PID1: variants seen among roughly 807,000 people sequenced by gnomAD.
The protein encoded by PID1 is PTB-containing, cubilin and LRP1-interacting protein.
Under a neutral mutation model 19.1 loss-of-function variants are expected in PID1, and 10 were observed. That is an observed-to-expected ratio of 0.52 (90% CI 0.32 to 0.89). PID1 has a LOEUF of 0.89. Ranked by LOEUF, PID1 falls within the 40% of genes least tolerant of loss-of-function variation. The pLI is 0.03. For missense variants in PID1, 248 were observed against 285.3 expected, an observed-to-expected ratio of 0.87 and a Z score of 0.94; for synonymous variants, 130 against 116.0, an observed-to-expected ratio of 1.12 and a Z score of -0.78.
chr2:229,103,707 G>C (rs1695118731), intron 2 of PID1, among the ~76,000 whole-genome samples: 1 of 150,636 alleles, frequency 6.6e-6, no homozygotes. Context: ...CTCCCGAATA[G>C]CTGGGATTAC....
chr2:229,061,056 T>C (rs1694203140), intron 2 of PID1, among the ~76,000 whole-genome samples: 1 of 152,142 alleles, frequency 6.6e-6, no homozygotes, highest in Admixed American at 6.6e-5. Context: ...TCCCAGTCTG[T>C]GCATTGCCAC....
chr2:229,095,156 C>A (rs115493534), intron 2 of PID1, among the ~76,000 whole-genome samples: 4,973 of 152,210 alleles, frequency 0.033, 110 homozygotes, highest in South Asian at 0.051. Context: ...CAGAGAGACC[C>A]CGGTTTCTCC....
At chr2:229,262,042 G>A (rs1690474090) in intron 1 of PID1, among the ~76,000 whole-genome samples, 1 of 152,146 alleles carries the variant, frequency 6.6e-6, no homozygotes, top group Non-Finnish European at 1.5e-5. Context: ...GGCTCACCTG[G>A]AGGTCAATTT....
At chr2:229,241,369 CT>C (rs1689864759) in intron 1 of PID1, among the ~76,000 whole-genome samples, 1 of 152,118 alleles carries the variant, frequency 6.6e-6, no homozygotes, top group Non-Finnish European at 1.5e-5. Context: ...GGCTAATCAC[CT>C]TTAACATGTG....
intron 1 of PID1, among the ~76,000 whole-genome samples, chr2:229,202,267 C>G (rs911961261): frequency 3.3e-5 from 5 of 152,158 alleles, no homozygotes; most frequent in Non-Finnish European, 7.4e-5. Flanking sequence ...TCCTCATTAT[C>G]AAGAAGTTTT....
At chr2:229,185,092 C>CTATATATATATCT (rs377174007) in intron 1 of PID1, among the ~76,000 whole-genome samples, 1 of 35,764 alleles carries the variant, frequency 2.8e-5, no homozygotes, top group Non-Finnish European at 6.1e-5. Flanking sequence ...CATATATATC[C>CTATATATATATCT]TATATATATC....
chr2:229,221,380 TA>T (rs1283604275), intron 1 of PID1, among the ~76,000 whole-genome samples: 1 of 152,198 alleles, frequency 6.6e-6, no homozygotes, highest in Non-Finnish European at 1.5e-5. Context: ...TGCTCCACTG[TA>T]ACCTGCATGG....
chr2:229,047,742 C>T (rs568725532), intron 2 of PID1, among the ~76,000 whole-genome samples: 105 of 152,228 alleles, frequency 6.9e-4, no homozygotes, highest in Non-Finnish European at 1.2e-3. Context: ...GTCATTTGTC[C>T]GGTGATTCAC....
chr2:229,067,725 AC>A (rs1694359903), intron 2 of PID1, among the ~76,000 whole-genome samples: 1 of 151,926 alleles, frequency 6.6e-6, no homozygotes, highest in Admixed American at 6.6e-5. Flanking sequence ...GGCAAATAAG[AC>A]CTTCCTTAGC....
chr2:229,145,877 T>A (rs534613853), intron 2 of PID1, among the ~76,000 whole-genome samples: 1 of 152,322 alleles, frequency 6.6e-6, no homozygotes, highest in Non-Finnish European at 1.5e-5. Context: ...TTAAAGTATC[T>A]CTTCTTTTTC....
chr2:229,050,985 G>A (rs1480678624), intron 2 of PID1, among the ~76,000 whole-genome samples: 1 of 152,156 alleles, frequency 6.6e-6, no homozygotes, highest in Non-Finnish European at 1.5e-5. Flanking sequence ...AAAGAGAAAA[G>A]CTTAACAGAA....
rs374493925 is a variant in PID1 at position 229,144,019 on chromosome 2, C to T, written c.177+11799G>A. ...TATCTGAATCAAATAGGATCAGGTT[C>T]CTGAAATGTAACAAGGGATCATAGA... On this transcript the variant is annotated intron_variant, in intron 2 of 2. Transcript: ENST00000392055. 1.4e-4 allele frequency among the ~76,000 whole-genome samples: 22 copies of T among 152,208 alleles called. No individual in the cohort carries two copies. In the South Asian group the frequency reaches 3.5e-3, roughly 24 times the overall value.
chr2:229,035,502 TTA>T (rs991081226), intron 2 of PID1, among the ~76,000 whole-genome samples: 6 of 111,002 alleles, frequency 5.4e-5, no homozygotes, highest in Non-Finnish European at 9.2e-5. Flanking sequence ...GGCCAATCAT[TTA>T]TATGTGTGTG....
At chr2:229,062,039 AG>A (rs1358444483) in intron 2 of PID1, among the ~76,000 whole-genome samples, 2 of 151,912 alleles carry the variant, frequency 1.3e-5, no homozygotes, top group Non-Finnish European at 2.9e-5. Flanking sequence ...ATCAGCAAAC[AG>A]AGGTAATTTC....
chr2:229,244,533 T>C (rs1283653654), intron 1 of PID1, among the ~76,000 whole-genome samples: 1 of 152,158 alleles, frequency 6.6e-6, no homozygotes, highest in Non-Finnish European at 1.5e-5. Context: ...GAAAGAGAGA[T>C]TCAATCCTTT....
At chr2:229,181,943 G>T (rs2106219514) in intron 1 of PID1, among the ~76,000 whole-genome samples, 1 of 152,342 alleles carries the variant, frequency 6.6e-6, no homozygotes, top group South Asian at 2.1e-4. Flanking sequence ...ATTACTGAGT[G>T]AAGCCAATCT....
At chr2:229,269,721 T>G (rs534390090) in intron 1 of PID1, among the ~76,000 whole-genome samples, 179 of 152,292 alleles carry the variant, frequency 1.2e-3, no homozygotes, top group Non-Finnish European at 2.1e-3. Flanking sequence ...GTGCTGATAT[T>G]CTCTTAGTAA....
chr2:229,099,727 A>C (rs1695038665), intron 2 of PID1, among the ~76,000 whole-genome samples: 1 of 152,178 alleles, frequency 6.6e-6, no homozygotes, highest in Non-Finnish European at 1.5e-5. Flanking sequence ...AAATGATTTC[A>C]CTGCCTAAAA....
chr2:229,080,437 T>G (rs1694647877), intron 2 of PID1, among the ~76,000 whole-genome samples: 1 of 152,128 alleles, frequency 6.6e-6, no homozygotes, highest in Non-Finnish European at 1.5e-5. Flanking sequence ...CATCCTAGCT[T>G]CCTGACTTAC....
Sources: gnomAD v4.1 joint callset for allele counts (sites outside exome capture counted in the v4.1 genomes callset) on GRCh38, gnomAD v4.1.1 for gene constraint, MANE v1.5 for transcripts, NCBI Gene and HGNC (gene_info 2026-07-23, HGNC 2026-07-21) for gene names.